LRP1B: variants seen among roughly 807,000 people sequenced by gnomAD.
LRP1B encodes low-density lipoprotein receptor-related protein 1B.
In LRP1B, 217 loss-of-function variants were observed where a neutral mutation model predicts 556.6. The ratio of observed to expected loss-of-function variants is 0.39; its 90% confidence interval spans 0.35 to 0.44. The LOEUF (loss-of-function observed/expected upper bound fraction) is 0.44, where lower values mean the gene tolerates loss of function less well. LRP1B is among the 20% of genes least tolerant of loss of function. The pLI is 1.00. For missense variants in LRP1B, 5,053 were observed against 5,620.8 expected, an observed-to-expected ratio of 0.90 and a Z score of 3.23; for synonymous variants, 2,047 against 1,865.8, an observed-to-expected ratio of 1.10 and a Z score of -2.50.
intron 1 of LRP1B, among the ~76,000 whole-genome samples, chr2:142,005,678 T>C (rs927759546): frequency 1.3e-5 from 2 of 152,256 alleles, no homozygotes; most frequent in East Asian, 1.9e-4. Context: ...GCTATATTCA[T>C]TTTCTTTATT....
chr2:140,238,469 T>C (rs1406062269), intron 88 of LRP1B, among the ~76,000 whole-genome samples, 173 bp from the exon 89 acceptor site: 1 of 150,974 alleles, frequency 6.6e-6, no homozygotes, highest in African/African-American at 2.4e-5. Context: ...TTCCCAGTTG[T>C]TTTGACTTAA....
At chr2:141,554,918 T>C (rs1209351989) in intron 2 of LRP1B, among the ~76,000 whole-genome samples, 1 of 151,982 alleles carries the variant, frequency 6.6e-6, no homozygotes, top group Non-Finnish European at 1.5e-5. Context: ...CCAAAGACTC[T>C]GTGGTGTATC....
intron 15 of LRP1B, among the ~76,000 whole-genome samples, chr2:141,001,459 A>C (rs1697421368): frequency 6.6e-6 from 1 of 151,976 alleles, no homozygotes; most frequent in Admixed American, 6.6e-5. Context: ...TCCTAATGCT[A>C]TCCCTCCTCC....
intron 29 of LRP1B, among the ~76,000 whole-genome samples, chr2:140,845,607 T>C (rs1238728157): frequency 1.3e-5 from 2 of 151,974 alleles, no homozygotes; most frequent in Non-Finnish European, 2.9e-5. Flanking sequence ...AATTATTATA[T>C]GTAGGATAAA....
chr2:142,088,697 C>T (rs537906046), intron 1 of LRP1B, among the ~76,000 whole-genome samples: 11 of 151,930 alleles, frequency 7.2e-5, no homozygotes, highest in African/African-American at 1.9e-4. Flanking sequence ...GACTTATGGC[C>T]GGGCGCAGTG....
intron 2 of LRP1B, among the ~76,000 whole-genome samples, chr2:141,595,050 C>G (rs150517196): frequency 6.6e-6 from 1 of 151,820 alleles, no homozygotes; most frequent in Admixed American, 6.6e-5. Context: ...TCATGAAAGA[C>G]GGAATAGTAC....
chr2:141,635,650 T>C (rs1454672103), intron 2 of LRP1B, among the ~76,000 whole-genome samples: 1 of 152,202 alleles, frequency 6.6e-6, no homozygotes, highest in East Asian at 1.9e-4. Flanking sequence ...ATGTTTTAGT[T>C]GGCTTTTGCA....
chr2:140,454,009 T>C (rs1479591982), intron 62 of LRP1B, among the ~76,000 whole-genome samples: 1 of 152,166 alleles, frequency 6.6e-6, no homozygotes, highest in East Asian at 1.9e-4. Flanking sequence ...CTCCAAGAAG[T>C]ATACAAGAGA....
intron 4 of LRP1B, among the ~76,000 whole-genome samples, chr2:141,250,909 G>C (rs932143364): frequency 2.0e-5 from 3 of 152,112 alleles, no homozygotes; most frequent in African/African-American, 7.2e-5. Flanking sequence ...CCCAGCGGAG[G>C]GGTAACATAA....
chr2:140,862,112 C>T (rs569283481), intron 27 of LRP1B, among the ~76,000 whole-genome samples: 102 of 152,260 alleles, frequency 6.7e-4, no homozygotes, highest in Admixed American at 2.6e-3. Flanking sequence ...AGCTTCCTTC[C>T]TTTTTAGCCT....
At chr2:141,784,965 G>C (rs1240122523) in intron 2 of LRP1B, among the ~76,000 whole-genome samples, 1 of 151,884 alleles carries the variant, frequency 6.6e-6, no homozygotes, top group African/African-American at 2.4e-5. Context: ...GGATAGATAT[G>C]GCAGTGGTAA....
At chr2:140,537,578 C>A (rs140854721) in intron 45 of LRP1B, among the ~76,000 whole-genome samples, 503 of 152,166 alleles carry the variant, frequency 3.3e-3, no homozygotes, top group African/African-American at 0.012. Context: ...ACATGATGAG[C>A]ACCTACTCCA....
chr2:141,967,596 ACAGT>A (rs1558992650), intron 1 of LRP1B, among the ~76,000 whole-genome samples: 3 of 151,782 alleles, frequency 2.0e-5, no homozygotes, highest in East Asian at 1.9e-4. Flanking sequence ...TATAAATTAG[ACAGT>A]CAGAGAGGGA....
intron 3 of LRP1B, among the ~76,000 whole-genome samples, chr2:141,370,312 T>G (rs1689184575): frequency 6.6e-6 from 1 of 152,160 alleles, no homozygotes; most frequent in Non-Finnish European, 1.5e-5. Flanking sequence ...CAACATCTGT[T>G]AATTTTTTGT....
intron 3 of LRP1B, among the ~76,000 whole-genome samples, chr2:141,474,047 T>TTC (rs1682604473): frequency 8.7e-6 from 1 of 114,550 alleles, no homozygotes; most frequent in South Asian, 3.1e-4. Flanking sequence ...TTCCTTCCTT[T>TTC]CCTTCCTTCC....
At chr2:141,880,570 G>A (rs184689548) in intron 1 of LRP1B, among the ~76,000 whole-genome samples, 313 of 152,088 alleles carry the variant, frequency 2.1e-3, no homozygotes, top group African/African-American at 7.0e-3. Context: ...ATAGTGAAAT[G>A]ATTTTTTTGG....
chr2:141,379,693 G>A (rs1163261777), intron 3 of LRP1B, among the ~76,000 whole-genome samples: 1 of 152,214 alleles, frequency 6.6e-6, no homozygotes, highest in African/African-American at 2.4e-5. Context: ...TATGGGACTG[G>A]ATTCTAACTC....
chr2:141,350,038 G>A (rs965283101), intron 3 of LRP1B, among the ~76,000 whole-genome samples: 3 of 152,040 alleles, frequency 2.0e-5, no homozygotes, highest in Admixed American at 2.0e-4. Context: ...GACAAGAGAA[G>A]AGAGTTTGTG....
chr2:141,409,907 A>G (rs927232308), intron 3 of LRP1B, among the ~76,000 whole-genome samples: 2 of 152,114 alleles, frequency 1.3e-5, no homozygotes, highest in Non-Finnish European at 2.9e-5. Flanking sequence ...AAGAAAAAAC[A>G]AAGTATACAT....
Sources: gnomAD v4.1 joint callset for allele counts (sites outside exome capture counted in the v4.1 genomes callset) on GRCh38, gnomAD v4.1.1 for gene constraint, MANE v1.5 for transcripts, NCBI Gene and HGNC (gene_info 2026-07-23, HGNC 2026-07-21) for gene names.